The following FAM204A variants were observed in gnomAD, a reference collection of about 807,000 sequenced individuals.
FAM204A encodes family with sequence similarity 204 member A.
A neutral mutation model predicts 35.4 loss-of-function variants in FAM204A; 16 were observed. That is an observed-to-expected ratio of 0.45 (90% CI 0.31 to 0.69). The LOEUF (loss-of-function observed/expected upper bound fraction) is 0.69. Ranked by LOEUF, FAM204A falls within the 30% of genes least tolerant of loss-of-function variation. The pLI is 0.07. For missense variants in FAM204A, 240 were observed against 265.7 expected, an observed-to-expected ratio of 0.90 and a Z score of 0.67; for synonymous variants, 76 against 86.9, an observed-to-expected ratio of 0.88 and a Z score of 0.70.
At chr10:118,338,216 C>T (rs1478203360) in intron 2 of FAM204A, among the ~76,000 whole-genome samples, 1 of 152,188 alleles carries the variant, frequency 6.6e-6, no homozygotes, top group Admixed American at 6.5e-5. Flanking sequence ...AAACCCAGAT[C>T]TATCCCTAAA....
chr10:118,313,809 A>C (rs1845989446), intron 7 of FAM204A, among the ~76,000 whole-genome samples: 1 of 152,210 alleles, frequency 6.6e-6, no homozygotes, highest in Admixed American at 6.5e-5. Flanking sequence ...TAACATTAAC[A>C]ATGTGAGAAA....
chr10:118,312,694 T>C (rs1175839009), intron 7 of FAM204A, among the ~76,000 whole-genome samples: 1 of 152,324 alleles, frequency 6.6e-6, no homozygotes, highest in East Asian at 1.9e-4. Context: ...GAAGAAAGGA[T>C]GATCCATTGT....
At position 118,299,920 on chromosome 10, in the gene FAM204A, A is replaced by T. The variant is rs1164579254; in HGVS notation, c.*10937T>A. 1 of 152,248 alleles carries T rather than the reference A, an allele frequency of 6.6e-6. No homozygotes were observed. Among genetic ancestry groups the T allele is most frequent in the Non-Finnish European group, 1.5e-5 (1 of 68,036 alleles). 9.4% of individuals were successfully genotyped at this position (152,248 alleles called of 1,614,324 possible). A position where few individuals can be genotyped will look rare whatever the true frequency, so the allele number is the denominator to read the frequency against. The stretch of plus-strand genomic sequence containing the variant: ...TCTGCTATCAATAGGAATCTAAAAT[A>T]CTTGAATTGCTTTAATCCTTTGCTA... On this transcript the variant is annotated 3_prime_UTR_variant, in exon 9 of 9. Transcript: ENST00000369183.
At chr10:118,312,249 G>A (rs1050787465) in intron 7 of FAM204A, among the ~76,000 whole-genome samples, 10 of 152,144 alleles carry the variant, frequency 6.6e-5, no homozygotes, top group African/African-American at 2.4e-4. Context: ...GTACCTCTTT[G>A]GTGTTTCTTG....
At chr10:118,311,927 C>T (rs1018576106) in intron 7 of FAM204A, among the ~76,000 whole-genome samples, 9 of 152,156 alleles carry the variant, frequency 5.9e-5, no homozygotes, top group African/African-American at 1.9e-4. Context: ...CTGTGCAGGG[C>T]CCTCTATGTG....
Position 118,310,613 on chromosome 10 carries a change from CCTCTT to C in FAM204A, c.*239_*243del. The C allele has an allele frequency of 8.5e-6, 4 of 472,398 alleles. No homozygotes were observed. Among genetic ancestry groups the C allele is most frequent in the Non-Finnish European group, 1.5e-5 (4 of 273,430 alleles). 29.3% of individuals were successfully genotyped at this position (472,398 alleles called of 1,614,324 possible). On this transcript the variant is annotated 3_prime_UTR_variant, in exon 9 of 9. Coordinates refer to ENST00000369183, the MANE Select transcript of FAM204A (RefSeq NM_022063.3). ...TCCATACAAATAAACAAAATCCTAT[CCTCTT>C]CTTTCTATATTTTTTTTCTTACATT...
intron 6 of FAM204A, among the ~76,000 whole-genome samples, chr10:118,332,407 A>G (rs936496346): frequency 6.6e-6 from 1 of 151,952 alleles, no homozygotes; most frequent in Non-Finnish European, 1.5e-5. Flanking sequence ...ATGGTTTACA[A>G]CTGATACCAG....
In FAM204A at chr10:118,310,236, G is replaced by A. The variant is rs190663142; in HGVS notation, c.*621C>T. Reference sequence around the variant, plus strand: ...TGTCTGTACTCCCAGAACTTTGGGAGGCAGAGGCAGGTGAATCATATGAGG... The same window carrying A: ...TGTCTGTACTCCCAGAACTTTGGGAAGCAGAGGCAGGTGAATCATATGAGG... On this transcript the variant is annotated 3_prime_UTR_variant, in exon 9 of 9. Coordinates refer to ENST00000369183, the MANE Select transcript of FAM204A (RefSeq NM_022063.3). The A allele has an allele frequency of 1.2e-4, 18 of 152,032 alleles. No individual in the cohort carries two copies. The highest frequency in any genetic ancestry group is 4.3e-4 in the African/African-American group (18 of 41,408). 9.4% of individuals were successfully genotyped at this position (152,032 alleles called of 1,614,324 possible).
rs529437105 is a variant in FAM204A, at chr10:118,305,422, C to T, written c.*5435G>A. ...ATTTGCATTCATTCCTGAGTCAAAC[C>T]CCACCAATGCTCCTCATCTCCAGGG... On this transcript the variant is annotated 3_prime_UTR_variant, in exon 9 of 9. Transcript: ENST00000369183. The T allele has an allele frequency of 6.6e-6, 1 of 152,240 alleles. No individual in the cohort carries two copies. The highest frequency in any genetic ancestry group is 2.4e-5 in the African/African-American group (1 of 41,526). 9.4% of individuals were successfully genotyped at this position (152,240 alleles called of 1,614,324 possible).
In FAM204A at chr10:118,308,142, C is replaced by G. The variant is rs1266061383; in HGVS notation, c.*2715G>C. On this transcript the variant is annotated 3_prime_UTR_variant, in exon 9 of 9. Coordinates refer to ENST00000369183, the MANE Select transcript of FAM204A (RefSeq NM_022063.3). ...ACCAGTGCTGTAAAGCTCAAAATTA[C>G]TGTTCTTTAGTAAGATGTTTTAGCC... 2 of 152,230 alleles carry G rather than the reference C, an allele frequency of 1.3e-5. No individual in the cohort carries two copies. Among genetic ancestry groups the G allele is most frequent in the East Asian group, 3.8e-4 (2 of 5,196 alleles). The allele number at this position is 152,230 out of a possible 1,614,324, so 9.4% of individuals were successfully genotyped here. A position where few individuals can be genotyped will look rare whatever the true frequency, so the allele number is the denominator to read the frequency against.
intron 2 of FAM204A, among the ~76,000 whole-genome samples, chr10:118,339,931 T>A (rs1846447882): frequency 6.6e-6 from 1 of 152,176 alleles, no homozygotes; most frequent in Non-Finnish European, 1.5e-5. Context: ...TTTGTTTGTT[T>A]GCCCTTGAAA....
At chr10:118,334,764 A>G (rs1846352530) in intron 6 of FAM204A, among the ~76,000 whole-genome samples, 1 of 152,192 alleles carries the variant, frequency 6.6e-6, no homozygotes, top group African/African-American at 2.4e-5. Flanking sequence ...GGAATGTCCC[A>G]GGACGACTCT....
intron 7 of FAM204A, among the ~76,000 whole-genome samples, chr10:118,313,943 CA>C (rs1845991687): frequency 6.6e-6 from 1 of 152,192 alleles, no homozygotes; most frequent in Non-Finnish European, 1.5e-5. Flanking sequence ...TATGTCTGGG[CA>C]TGCAGTCATC....
intron 2 of FAM204A, among the ~76,000 whole-genome samples, chr10:118,337,942 C>T (rs772003244): frequency 1.3e-5 from 2 of 152,146 alleles, no homozygotes; most frequent in African/African-American, 2.4e-5. Flanking sequence ...TTGTGGTGCA[C>T]TCACTTAGCA....
rs910547366 is a variant in FAM204A, at chr10:118,298,797, T to C, written c.*12060A>G. On this transcript the variant is annotated 3_prime_UTR_variant, in exon 9 of 9. Transcript: ENST00000369183. ...CTTCGGCATCCACCCAAGAGTGATC[T>C]AACCTTTGCAAAGCCTTCACTGATT... The C allele has an allele frequency of 6.6e-6, 1 of 152,258 alleles. No homozygotes were observed. The highest frequency in any genetic ancestry group is 6.5e-5 in the Admixed American group (1 of 15,288). 9.4% of individuals were successfully genotyped at this position (152,258 alleles called of 1,614,324 possible).
intron 2 of FAM204A, among the ~76,000 whole-genome samples, chr10:118,338,789 T>C (rs908993003): frequency 5.3e-5 from 8 of 152,180 alleles, no homozygotes; most frequent in African/African-American, 1.9e-4. Context: ...TGCAGGGTGA[T>C]AGTCTATGCT....
chr10:118,338,141 T>C (rs965820933), intron 2 of FAM204A, among the ~76,000 whole-genome samples: 1 of 152,212 alleles, frequency 6.6e-6, no homozygotes, highest in Non-Finnish European at 1.5e-5. Flanking sequence ...TAGTTTTCTA[T>C]TCAGAATTTA....
In FAM204A at chr10:118,300,475, T is replaced by G. The variant is rs1166129669; in HGVS notation, c.*10382A>C. 2 of 152,206 alleles carry G rather than the reference T, an allele frequency of 1.3e-5. No homozygotes were observed. The highest frequency in any genetic ancestry group is 3.9e-4 in the East Asian group (2 of 5,194). 9.4% of individuals were successfully genotyped at this position (152,206 alleles called of 1,614,324 possible). A position where few individuals can be genotyped will look rare whatever the true frequency, so the allele number is the denominator to read the frequency against. The stretch of plus-strand genomic sequence containing the variant: ...TAGGAATACAGTCATGAAAATTGAA[T>G]GGCCCATTAGATCATGGTGGTGTAG... On this transcript the variant is annotated 3_prime_UTR_variant, in exon 9 of 9. Transcript: ENST00000369183.
At chr10:118,328,027 T>C (rs770842248) in intron 6 of FAM204A, among the ~76,000 whole-genome samples, 2 of 152,174 alleles carry the variant, frequency 1.3e-5, no homozygotes, top group African/African-American at 2.4e-5. Context: ...GGGACAAGAA[T>C]TTCTCCATAA....
Sources: gnomAD v4.1 joint callset for allele counts (sites outside exome capture counted in the v4.1 genomes callset) on GRCh38, gnomAD v4.1.1 for gene constraint, MANE v1.5 for transcripts, NCBI Gene and HGNC (gene_info 2026-07-23, HGNC 2026-07-21) for gene names.